The following ZNF254 variants were observed in gnomAD, a reference collection of about 807,000 sequenced individuals.
ZNF254 encodes CTD-2017D11.1.
In ZNF254, 10 loss-of-function variants were observed where a neutral mutation model predicts 12.4. The ratio of observed to expected loss-of-function variants is 0.80; its 90% confidence interval spans 0.50 to 1.36. The LOEUF (loss-of-function observed/expected upper bound fraction) is 1.36. Among genes scored for constraint, ZNF254 ranks in the 40% most tolerant of loss-of-function variants. The pLI is 0.00. For synonymous variants in ZNF254, 305 were observed against 253.4 expected (o/e 1.20, Z -1.93); for missense variants, 996 against 763.9 (o/e 1.30, Z -3.58).
At chr19:24,122,236 CT>C (rs1295524868) in intron 3 of ZNF254, among the ~76,000 whole-genome samples, 1 of 150,614 alleles carries the variant, frequency 6.6e-6, no homozygotes, top group Non-Finnish European at 1.5e-5. Context: ...TGTTTTTTTT[CT>C]TTTTTGAGGT....
At chr19:24,095,909 T>G (rs1053498980) in intron 1 of ZNF254, among the ~76,000 whole-genome samples, 5 of 152,122 alleles carry the variant, frequency 3.3e-5, no homozygotes, top group Admixed American at 2.6e-4. Flanking sequence ...GGATTGATTT[T>G]CTCTTGCTTC....
At chr19:24,074,279 C>T (rs1165635666) in intron 2 of ZNF254, among the ~76,000 whole-genome samples, 1 of 152,106 alleles carries the variant, frequency 6.6e-6, no homozygotes, top group South Asian at 2.1e-4. Context: ...ATTACTGGGC[C>T]CAGCATCGAG....
intron 2 of ZNF254, among the ~76,000 whole-genome samples, chr19:24,062,586 C>T (rs1971117463): frequency 6.7e-6 from 1 of 148,484 alleles, no homozygotes; most frequent in African/African-American, 2.4e-5. Context: ...GAGAGAAGCA[C>T]ACAGGTGAGA....
At chr19:24,045,479 C>T (rs551525701) in intron 1 of ZNF254, among the ~76,000 whole-genome samples, 8 of 151,994 alleles carry the variant, frequency 5.3e-5, no homozygotes, top group Admixed American at 4.6e-4. Context: ...ATCATCCTGG[C>T]TAACATGGTG....
intron 1 of ZNF254, among the ~76,000 whole-genome samples, chr19:24,036,825 A>G (rs1969983976): frequency 6.6e-6 from 1 of 152,188 alleles, no homozygotes; most frequent in African/African-American, 2.4e-5. Flanking sequence ...TCAACCTGCT[A>G]CCACCAATGA....
chr19:24,076,077 T>C (rs553689621), intron 2 of ZNF254, among the ~76,000 whole-genome samples: 1 of 152,232 alleles, frequency 6.6e-6, no homozygotes, highest in Non-Finnish European at 1.5e-5. Flanking sequence ...ACACATGTTT[T>C]ACAAACAATT....
chr19:24,052,238 C>G (rs1970675703), intron 2 of ZNF254, among the ~76,000 whole-genome samples: 1 of 152,204 alleles, frequency 6.6e-6, no homozygotes, highest in African/African-American at 2.4e-5. Context: ...TTGTGACATG[C>G]CTGGATTCAA....
chr19:24,120,859 G>A (rs997580433), intron 3 of ZNF254, among the ~76,000 whole-genome samples: 1 of 151,922 alleles, frequency 6.6e-6, no homozygotes, highest in African/African-American at 2.4e-5. Flanking sequence ...TTTTAATAGA[G>A]ACGGGGTTTC....
intron 2 of ZNF254, among the ~76,000 whole-genome samples, chr19:24,050,148 T>C (rs1970591368): frequency 6.6e-6 from 1 of 151,872 alleles, no homozygotes; most frequent in African/African-American, 2.4e-5. Flanking sequence ...ATTTATTGTA[T>C]TATATTTTAT....
At chr19:24,047,448 T>C (rs986040302) in intron 2 of ZNF254, among the ~76,000 whole-genome samples, 1 of 151,884 alleles carries the variant, frequency 6.6e-6, no homozygotes, top group Non-Finnish European at 1.5e-5. Context: ...TTATTTCTTG[T>C]AGTAGAGACG....
intron 2 of ZNF254, among the ~76,000 whole-genome samples, chr19:24,055,065 T>C (rs1426507066): frequency 1.3e-5 from 2 of 151,394 alleles, no homozygotes; most frequent in Non-Finnish European, 2.9e-5. Context: ...TAGCTGGGCA[T>C]GGTGGTGGGC....
intron 1 of ZNF254, chr19:24,046,150 A>G (rs1390031102): frequency 2.6e-5 from 4 of 151,940 alleles, no homozygotes; most frequent in Admixed American, 2.6e-4. Flanking sequence ...CATATCCTCC[A>G]GCATTAATCA....
At chr19:24,038,668 T>C (rs1457018822) in intron 1 of ZNF254, among the ~76,000 whole-genome samples, 7 of 152,220 alleles carry the variant, frequency 4.6e-5, no homozygotes, top group Non-Finnish European at 2.9e-5. Flanking sequence ...AATTGTGCAA[T>C]TGGGCTTCCA....
At chr19:24,086,853 T>C (rs550147504), upstream of ZNF254, among the ~76,000 whole-genome samples, 1 of 152,380 alleles carries the variant, frequency 6.6e-6, no homozygotes, top group South Asian at 2.1e-4. Context: ...AAAGTTGATT[T>C]TCTCTTGAAC....
At chr19:24,107,158 T>G (rs1973397044) in intron 3 of ZNF254, 1 of 596,254 alleles carries the variant, frequency 1.7e-6, no homozygotes, top group African/African-American at 1.9e-5. Context: ...GCTTTGTTCT[T>G]TTTCCTCAAG....
intron 1 of ZNF254, among the ~76,000 whole-genome samples, chr19:24,092,993 G>A (rs191930102): frequency 1.7e-3 from 257 of 152,148 alleles, no homozygotes; most frequent in Non-Finnish European, 3.2e-3. Context: ...TTTAATAGCC[G>A]TTCTCACTGG....
intron 3 of ZNF254, among the ~76,000 whole-genome samples, chr19:24,111,612 CTGT>C (rs1973686202): frequency 6.6e-6 from 1 of 152,230 alleles, no homozygotes; most frequent in East Asian, 1.9e-4. Flanking sequence ...TCTCCAGCAC[CTGT>C]TGTTTCCTGA....
intron 3 of ZNF254, among the ~76,000 whole-genome samples, chr19:24,123,614 G>C (rs144628739): frequency 1.8e-4 from 27 of 151,832 alleles, no homozygotes; most frequent in Admixed American, 1.8e-3. Flanking sequence ...ACCTGCGTGC[G>C]TGCACAAACA....
intron 2 of ZNF254, among the ~76,000 whole-genome samples, chr19:24,049,209 TA>T (rs1232932032): frequency 5.2e-4 from 31 of 60,034 alleles, no homozygotes; most frequent in African/African-American, 9.7e-4. Flanking sequence ...TATATATATA[TA>T]TATATTTTTT....
Sources: allele counts gnomAD v4.1 joint callset (sites outside exome capture counted in the v4.1 genomes callset), GRCh38; gene constraint gnomAD v4.1.1; transcripts MANE v1.5; gene names NCBI Gene and HGNC (gene_info 2026-07-23, HGNC 2026-07-21).